Variants in NBPF20 observed in about 807,000 individuals in gnomAD.
NBPF20 encodes NBPF family member NBPF20.
In NBPF20, 90 loss-of-function variants were observed where a neutral mutation model predicts 68.1. The ratio of observed to expected loss-of-function variants is 1.32; its 90% CI spans 1.11 to 1.58. The LOEUF is 1.58. Among genes scored for constraint, NBPF20 ranks in the 40% most tolerant of loss-of-function variants. The probability of loss-of-function intolerance (pLI) is 0.00; values close to 1 mark genes in which losing one functional copy is unlikely to be tolerated. For synonymous variants in NBPF20, 290 were observed against 228.1 expected (o/e 1.27, Z -2.45); for missense variants, 816 against 601.2 (o/e 1.36, Z -3.74).
chr1:145,292,455 CCTT>C (rs1661188388), exon 137 of NBPF20: 1 of 717,046 alleles, frequency 1.4e-6, no homozygotes, highest in Non-Finnish European at 2.5e-6. Flanking sequence ...ATCTTCTTCC[CCTT>C]CTTTTCTTCC....
At chr1:145,312,038 C>G (rs1264809891) in intron 112 of NBPF20, among the ~76,000 whole-genome samples, 170 bp downstream of exon 117, 8 of 39,244 alleles carry the variant, frequency 2.0e-4, no homozygotes, top group Admixed American at 3.1e-4. Flanking sequence ...TGACCCATCC[C>G]TTGTCTGGGC....
In NBPF20 at chr1:145,295,332, A is replaced by T. The variant is rs1236833384; in HGVS notation, c.16190+235T>A. 5.9e-4 allele frequency: 109 copies of T among 184,198 alleles called. No individual in the cohort carries two copies. In the Middle Eastern group the frequency reaches 6.7e-3, roughly 11 times the overall value. 11.4% of individuals were successfully genotyped at this position (184,198 alleles called of 1,614,324 possible). On this transcript the variant is annotated intron_variant, in intron 133 of 137. Coordinates refer to ENST00000369373, the Ensembl canonical transcript of NBPF20. ...TTTCCATAAACTTGCTCAAGATTCCATGCAGTTGCCATACAGCCTTTGAGG... is the reference window on the plus strand; with the variant it reads ...TTTCCATAAACTTGCTCAAGATTCCTTGCAGTTGCCATACAGCCTTTGAGG...
chr1:145,291,974 G>T (rs1428631342), intron 137 of NBPF20, among the ~76,000 whole-genome samples: 4 of 150,070 alleles, frequency 2.7e-5, no homozygotes, highest in African/African-American at 1.0e-4. Flanking sequence ...CAGAGAGAGA[G>T]AGACAGAGAC....
upstream of NBPF20, among the ~76,000 whole-genome samples, chr1:145,406,284 GT>G (rs1265155068): frequency 6.1e-4 from 92 of 151,160 alleles, no homozygotes; most frequent in African/African-American, 2.0e-3. Context: ...GTTTGATTGT[GT>G]TTTTCCCTTG....
upstream of NBPF20, chr1:145,405,882 A>C (rs1553667191): frequency 5.2e-6 from 1 of 191,724 alleles, no homozygotes; most frequent in Non-Finnish European, 1.1e-5. Context: ...ATAAATAAAA[A>C]AATGGAATCA....
upstream of NBPF20, among the ~76,000 whole-genome samples, chr1:145,406,085 ATTTTTT>A (rs587699811): frequency 2.5e-5 from 3 of 117,654 alleles, no homozygotes; most frequent in African/African-American, 1.0e-4. Flanking sequence ...CGCCCGGCTA[ATTTTTT>A]TTTTTTTTTT....
rs1261739039 is a variant in NBPF20, at chr1:145,311,840, A to T, written c.13661-352T>A. On this transcript the variant is annotated intron_variant, in intron 112 of 137. Transcript: ENST00000369373. ...TTCAGCCCTGTCTCATCAAATACTC[A>T]GATTGTTCACGGTAGCGAGGATTTT... 1.9e-5 allele frequency among the ~76,000 whole-genome samples: 2 copies of T among 106,678 alleles called. 1 individual carries two copies. The highest frequency in any genetic ancestry group is 9.4e-5 in the African/African-American group (2 of 21,374). The allele number at this position is 106,678 out of a possible 152,430, so 70.0% of individuals were successfully genotyped here. A position where few individuals can be genotyped will look rare whatever the true frequency, so the allele number is the denominator to read the frequency against.
chr1:145,421,653 A>T, the NBPF20 span, among the ~76,000 whole-genome samples: 3 of 152,238 alleles, frequency 2.0e-5, no homozygotes, highest in Non-Finnish European at 4.4e-5. Flanking sequence ...CACATACAAA[A>T]TAATCATAAT....
the NBPF20 span, among the ~76,000 whole-genome samples, chr1:145,419,387 T>G: frequency 6.6e-6 from 1 of 152,198 alleles, no homozygotes; most frequent in Non-Finnish European, 1.5e-5. Context: ...ACTGTTTCCA[T>G]GGGGTACAAC....
At chr1:145,397,427 T>C (rs1553664186) in intron 7 of NBPF20, among the ~76,000 whole-genome samples, 30 of 152,300 alleles carry the variant, frequency 2.0e-4, no homozygotes, top group Middle Eastern at 3.4e-3. Context: ...CTCTCCAGCA[T>C]CTTCAACATT....
At chr1:145,292,692 C>G (rs1207652358) in intron 136 of NBPF20, among the ~76,000 whole-genome samples, 3 of 145,116 alleles carry the variant, frequency 2.1e-5, no homozygotes, top group Non-Finnish European at 3.0e-5. Context: ...GTAAAATGTC[C>G]CTATTCTAGT....
At chr1:145,402,289 T>C in exon 4 of NBPF20, 6 of 1,610,542 alleles carry the variant, frequency 3.7e-6, no homozygotes, top group East Asian at 2.2e-5. Context: ...GAGATGCTCA[T>C]TCAATGAGCG....
chr1:145,422,706 T>A, the NBPF20 span, among the ~76,000 whole-genome samples: 1 of 152,206 alleles, frequency 6.6e-6, no homozygotes, highest in African/African-American at 2.4e-5. Flanking sequence ...AAGTGAATCA[T>A]AGCCGGGTGG....
Position 145,291,400 on chromosome 1 carries a change from T to C in NBPF20, c.*126A>G, listed in dbSNP as rs1558959668. On this transcript the variant is annotated 3_prime_UTR_variant, in exon 138 of 138. Transcript: ENST00000369373. ...CACTGGCATGGTTTGAGAATAGGAA[T>C]ACAGCCATGCCCACTGACCCATCCT... 7 of 1,592,604 alleles carry C rather than the reference T, an allele frequency of 4.4e-6. No homozygotes were observed. The East Asian group carries it at 1.1e-4, about 25-fold the overall frequency.
intron 5 of NBPF20, 46 bp downstream of exon 10, chr1:145,401,013 C>A: frequency 6.5e-7 from 1 of 1,533,160 alleles, no homozygotes; most frequent in Non-Finnish European, 9.0e-7. Context: ...CTAGATATTC[C>A]TCATATGTTA....
At chr1:145,396,773 C>T (rs1553663965) in intron 7 of NBPF20, among the ~76,000 whole-genome samples, 8 of 142,240 alleles carry the variant, frequency 5.6e-5, no homozygotes, top group African/African-American at 1.1e-4. Flanking sequence ...TATATATATA[C>T]AGATATATAT....
chr1:145,393,049 A>T (rs1473480982), intron 10 of NBPF20, 25 bp downstream of exon 15: 1 of 505,186 alleles, frequency 2.0e-6, no homozygotes, highest in Non-Finnish European at 3.3e-6. Flanking sequence ...GTGGATCCTT[A>T]TCACCTTCAT....
intron 112 of NBPF20, among the ~76,000 whole-genome samples, chr1:145,311,821 C>A (rs1481258103): frequency 3.0e-5 from 3 of 100,084 alleles, no homozygotes; most frequent in African/African-American, 5.3e-5. Context: ...ACTATTCAGC[C>A]CTGTCTCATC....
chr1:145,423,789 T>G, the NBPF20 span, among the ~76,000 whole-genome samples: 1 of 152,014 alleles, frequency 6.6e-6, no homozygotes, highest in Non-Finnish European at 1.5e-5. Context: ...GGATGTGGGG[T>G]AACCAGAATA....
Sources: gnomAD v4.1 joint callset for allele counts (sites outside exome capture counted in the v4.1 genomes callset) on GRCh38, gnomAD v4.1.1 for gene constraint, MANE v1.5 for transcripts, NCBI Gene and HGNC (gene_info 2026-07-23, HGNC 2026-07-21) for gene names.